Variants in RBFOX3 observed in about 807,000 individuals in gnomAD.
The protein encoded by RBFOX3 is RNA binding protein fox-1 homolog 3.
RBFOX3 carries 17 observed loss-of-function variants against 48.7 expected under a neutral mutation model. That is an observed-to-expected ratio of 0.35 (90% CI 0.24 to 0.52). The LOEUF (loss-of-function observed/expected upper bound fraction) is 0.52. Among genes scored for constraint, RBFOX3 ranks in the 20% least tolerant of loss-of-function variants. RBFOX3 has a pLI of 0.94. For synonymous variants in RBFOX3, 212 were observed against 209.5 expected, an observed-to-expected ratio of 1.01 and a Z score of -0.10; for missense variants, 382 against 497.5, an observed-to-expected ratio of 0.77 and a Z score of 2.21.
chr17:79,124,539 G>T (rs1396013869), intron 4 of RBFOX3, among the ~76,000 whole-genome samples: 1 of 152,250 alleles, frequency 6.6e-6, no homozygotes, highest in Non-Finnish European at 1.5e-5. Flanking sequence ...AGCAGCAAGG[G>T]CTGGAAGGTG....
intron 2 of RBFOX3, among the ~76,000 whole-genome samples, chr17:79,464,143 C>T (rs541029876): frequency 1.1e-4 from 17 of 152,360 alleles, no homozygotes; most frequent in Admixed American, 4.6e-4. Context: ...GATGGGAAGA[C>T]GCAGGAGTGC....
chr17:79,456,827 C>T (rs1458899590), intron 2 of RBFOX3, among the ~76,000 whole-genome samples: 1 of 152,096 alleles, frequency 6.6e-6, no homozygotes, highest in South Asian at 2.1e-4. Context: ...ACAAGTCAGT[C>T]CCACTGCCTG....
chr17:79,530,204 C>A (rs1214234126), intron 1 of RBFOX3, among the ~76,000 whole-genome samples: 4 of 152,144 alleles, frequency 2.6e-5, no homozygotes, highest in Non-Finnish European at 4.4e-5. Flanking sequence ...CAGCTGTGCA[C>A]CACGGAGAGA....
intron 1 of RBFOX3, among the ~76,000 whole-genome samples, chr17:79,563,212 C>T (rs2092318561): frequency 4.2e-5 from 4 of 94,444 alleles, no homozygotes. Context: ...AGGTAGCCAA[C>T]GGGTCTTTGA....
chr17:79,093,923 C>G (rs976863193), intron 14 of RBFOX3, among the ~76,000 whole-genome samples: 1 of 152,108 alleles, frequency 6.6e-6, no homozygotes, highest in Non-Finnish European at 1.5e-5. Flanking sequence ...TTCCCCAGGA[C>G]GCCAGGAGCC....
Position 79,198,275 on chromosome 17 carries a change from C to A in RBFOX3, c.-34+37491G>T, listed in dbSNP as rs571392607. Among the ~76,000 whole-genome samples the A allele has an allele frequency of 3.0e-3, 463 of 152,342 alleles. 1 individual carries two copies. The highest frequency in any genetic ancestry group is 0.011 in the African/African-American group (448 of 41,586). On this transcript the variant is annotated intron_variant, in intron 4 of 14. Coordinates refer to ENST00000693108, the MANE Select transcript of RBFOX3 (RefSeq NM_001350451.2). This position sits in a 1 kb window ranked among gnomAD's most constrained non-coding sequence, Gnocchi z 8.2. ...GCCAGCCCTCTGCCCTCGCCCCTGC[C>A]CTGCACCTCTCCATCCCACATGAGG... is the stretch of plus-strand genomic sequence containing the variant.
chr17:79,600,116 G>A (rs1306164792), intron 1 of RBFOX3: 1 of 152,220 alleles, frequency 6.6e-6, no homozygotes. Flanking sequence ...CTTGCAGAGG[G>A]GCGTGTGTGT....
At chr17:79,221,508 T>C (rs1054243636) in intron 4 of RBFOX3, among the ~76,000 whole-genome samples, 4 of 152,206 alleles carry the variant, frequency 2.6e-5, no homozygotes, top group Admixed American at 6.5e-5. Flanking sequence ...TGGGCCTGCA[T>C]TGGTGGCCTC....
chr17:79,583,043 C>T (rs2144861415), intron 1 of RBFOX3, among the ~76,000 whole-genome samples: 1 of 152,248 alleles, frequency 6.6e-6, no homozygotes, highest in African/African-American at 2.4e-5. Flanking sequence ...CAGGCAAGCC[C>T]GTTCCTAAGG....
intron 2 of RBFOX3, among the ~76,000 whole-genome samples, chr17:79,342,635 G>C (rs144315832): frequency 0.012 from 1,837 of 152,322 alleles, 22 homozygotes; most frequent in Non-Finnish European, 0.018. Flanking sequence ...AGAGTCGAAG[G>C]ATGACCTGGA....
intron 1 of RBFOX3, among the ~76,000 whole-genome samples, chr17:79,573,380 T>TA (rs2092746539): frequency 6.6e-6 from 1 of 152,224 alleles, no homozygotes; most frequent in African/African-American, 2.4e-5. Flanking sequence ...GACTCTGGGC[T>TA]ATGCAGTCCC....
intron 4 of RBFOX3, among the ~76,000 whole-genome samples, chr17:79,215,536 G>A (rs531837837): frequency 9.2e-5 from 14 of 152,292 alleles, no homozygotes; most frequent in East Asian, 3.9e-4. Flanking sequence ...ACTGCTGACC[G>A]ACCACTCAGA....
At chr17:79,247,300 A>G (rs758438233) in intron 3 of RBFOX3, among the ~76,000 whole-genome samples, 42 of 146,314 alleles carry the variant, frequency 2.9e-4, no homozygotes, top group Non-Finnish European at 5.4e-4. Flanking sequence ...CACACAGAGA[A>G]CATAATCGTA....
At chr17:79,430,685 C>T (rs2068274036) in intron 2 of RBFOX3, among the ~76,000 whole-genome samples, 1 of 152,174 alleles carries the variant, frequency 6.6e-6, no homozygotes, top group African/African-American at 2.4e-5. Context: ...GCTGGGATTA[C>T]AGGTATGCAG....
chr17:79,540,956 G>A (rs1236293664), intron 1 of RBFOX3, among the ~76,000 whole-genome samples: 3 of 152,156 alleles, frequency 2.0e-5, no homozygotes, highest in Admixed American at 6.5e-5. Flanking sequence ...CTTGAGGCCT[G>A]GGGGGATCTG....
rs1555788387 is a variant in RBFOX3 at position 79,535,074 on chromosome 17, C to T, written c.-319-52476G>A. Among the ~76,000 whole-genome samples, 1 of 152,216 alleles carries T rather than the reference C, an allele frequency of 6.6e-6. No individual in the cohort carries two copies. Among genetic ancestry groups the T allele is most frequent in the Non-Finnish European group, 1.5e-5 (1 of 68,050 alleles). On this transcript the variant is annotated intron_variant, in intron 1 of 14. Coordinates refer to ENST00000693108, the MANE Select transcript of RBFOX3 (RefSeq NM_001350451.2). The surrounding 1 kb of genome is among the most constrained non-coding windows in gnomAD (Gnocchi z 4.5). ...CAAACTGGCTGAAGCCACGAGGAAG[C>T]GTGCCAGTCACATGACGGGAAGTCC...
chr17:79,373,026 T>C (rs1339401750), intron 2 of RBFOX3, among the ~76,000 whole-genome samples: 2 of 152,084 alleles, frequency 1.3e-5, no homozygotes, highest in African/African-American at 2.4e-5. Flanking sequence ...CACTGGACTT[T>C]TATCTCACTC....
chr17:79,151,192 T>C (rs2044338990), intron 4 of RBFOX3, among the ~76,000 whole-genome samples: 1 of 151,840 alleles, frequency 6.6e-6, no homozygotes, highest in Admixed American at 6.6e-5. Context: ...AGACCCTGCG[T>C]GCTGACCACC....
rs141698722 is a variant in RBFOX3, at chr17:79,161,414, G to A, written c.-33-45666C>T. Among the ~76,000 whole-genome samples the A allele has an allele frequency of 3.5e-3, 535 of 152,334 alleles. 6 individuals carry two copies. Among genetic ancestry groups the A allele is most frequent in the African/African-American group, 0.012 (499 of 41,584 alleles). On this transcript the variant is annotated intron_variant, in intron 4 of 14. Coordinates refer to ENST00000693108, the MANE Select transcript of RBFOX3 (RefSeq NM_001350451.2). Reference sequence around the variant, plus strand: ...CACACACCCCGATCCCATCACTTCCGTCTCCGCATACCAGCTGGGGATGCT... The same window carrying A: ...CACACACCCCGATCCCATCACTTCCATCTCCGCATACCAGCTGGGGATGCT...
Sources: gnomAD v4.1 joint callset for allele counts (sites outside exome capture counted in the v4.1 genomes callset) on GRCh38, gnomAD v4.1.1 for gene constraint, Gnocchi (gnomAD v3.1) non-coding constraint, MANE v1.5 for transcripts, NCBI Gene and HGNC (gene_info 2026-07-23, HGNC 2026-07-21) for gene names.